The following GRM7 variants were observed in gnomAD, a reference collection of about 807,000 sequenced individuals.
The protein encoded by GRM7 is metabotropic glutamate receptor 7.
In GRM7, 35 loss-of-function variants were observed where a neutral mutation model predicts 84.5. That is an observed-to-expected ratio of 0.41 (90% CI 0.32 to 0.55). GRM7 has a LOEUF of 0.55. GRM7 is among the 20% of genes least tolerant of loss of function. GRM7 has a pLI of 0.19. For synonymous variants in GRM7, 487 were observed against 455.1 expected (o/e 1.07, Z -0.89); for missense variants, 1,003 against 1,194.6 (o/e 0.84, Z 2.36).
chr3:7,400,025 C>T (rs1307518650), intron 4 of GRM7, among the ~76,000 whole-genome samples: 1 of 152,180 alleles, frequency 6.6e-6, no homozygotes, highest in Non-Finnish European at 1.5e-5. Context: ...ATGAAGGTTA[C>T]TTAGAACCTA....
intron 9 of GRM7, among the ~76,000 whole-genome samples, chr3:7,685,789 A>G (rs937886828): frequency 1.4e-5 from 2 of 138,954 alleles, no homozygotes; most frequent in Non-Finnish European, 3.1e-5. Context: ...TATGTTATTT[A>G]AAAAAAAAAA....
intron 8 of GRM7, among the ~76,000 whole-genome samples, chr3:7,583,956 A>G (rs1695392890): frequency 6.6e-6 from 1 of 152,184 alleles, no homozygotes; most frequent in Non-Finnish European, 1.5e-5. Context: ...CTTCAAACAA[A>G]CATTGAATAA....
intron 1 of GRM7, among the ~76,000 whole-genome samples, chr3:7,117,157 C>T (rs997062157): frequency 2.6e-5 from 4 of 152,114 alleles, no homozygotes; most frequent in African/African-American, 9.7e-5. Flanking sequence ...ATGGGAAACC[C>T]CGCAGTGGCA....
intron 2 of GRM7, among the ~76,000 whole-genome samples, chr3:7,289,189 T>C (rs1299344044): frequency 6.6e-6 from 1 of 152,152 alleles, no homozygotes; most frequent in Non-Finnish European, 1.5e-5. Context: ...GGAAAACCAG[T>C]GACTGTAAAA....
intron 1 of GRM7, among the ~76,000 whole-genome samples, chr3:7,135,784 A>G (rs1045717548): frequency 6.6e-6 from 1 of 152,218 alleles, no homozygotes; most frequent in African/African-American, 2.4e-5. Context: ...GCATGGAAAC[A>G]ATTTCAGAAC....
intron 8 of GRM7, among the ~76,000 whole-genome samples, chr3:7,604,750 A>G (rs906540948): frequency 2.6e-5 from 4 of 152,224 alleles, no homozygotes; most frequent in Non-Finnish European, 5.9e-5. Context: ...TTGAAACCAT[A>G]CAAATACATA....
At chr3:7,461,526 G>C in intron 6 of GRM7, 57 bp from the exon 7 acceptor site, 1 of 1,417,738 alleles carries the variant, frequency 7.1e-7, no homozygotes. Context: ...CATAGTACAA[G>C]AGATATAAGG....
intron 4 of GRM7, among the ~76,000 whole-genome samples, chr3:7,369,674 T>G (rs773307535): frequency 6.6e-6 from 1 of 152,162 alleles, no homozygotes; most frequent in Non-Finnish European, 1.5e-5. Context: ...TCATTGTCAA[T>G]TTATTTTGTT....
intron 1 of GRM7, among the ~76,000 whole-genome samples, chr3:6,912,684 G>T (rs988343699): frequency 4.3e-4 from 66 of 152,062 alleles, no homozygotes; most frequent in African/African-American, 1.6e-3. Context: ...ATTGGACATA[G>T]ATCTGATCTC....
intron 7 of GRM7, among the ~76,000 whole-genome samples, chr3:7,538,266 C>T (rs1474586351): frequency 1.3e-5 from 2 of 152,246 alleles, no homozygotes; most frequent in East Asian, 1.9e-4. Flanking sequence ...TGCGCAACCA[C>T]GCCCAGCTAA....
At chr3:7,113,224 G>T (rs1028663296) in intron 1 of GRM7, among the ~76,000 whole-genome samples, 22 of 152,048 alleles carry the variant, frequency 1.4e-4, no homozygotes, top group African/African-American at 4.3e-4. Context: ...ATTCTAAGTG[G>T]TAAGAATGCA....
Position 7,025,990 on chromosome 3 carries a change from T to C in GRM7, c.520-120462T>C, listed in dbSNP as rs560696229. ...GGCTAATAGAATGCAGCTAGGTGAC[T>C]ACCTGTGACTATCATCCCCCAACAC... On this transcript the variant is annotated intron_variant, in intron 1 of 9. Coordinates refer to ENST00000357716, the MANE Select transcript of GRM7 (RefSeq NM_000844.4). Among the ~76,000 whole-genome samples, 69 of 152,336 alleles carry C rather than the reference T, an allele frequency of 4.5e-4. 2 individuals are homozygous for C. The highest frequency in any genetic ancestry group is 4.4e-3 in the Admixed American group (68 of 15,306).
At chr3:7,165,295 C>G (rs1169264233) in intron 2 of GRM7, among the ~76,000 whole-genome samples, 1 of 152,168 alleles carries the variant, frequency 6.6e-6, no homozygotes, top group Middle Eastern at 3.2e-3. Context: ...CAATCACAAG[C>G]TAGATTTGCT....
intron 7 of GRM7, among the ~76,000 whole-genome samples, chr3:7,497,502 C>T (rs528125176): frequency 6.6e-6 from 1 of 152,100 alleles, no homozygotes; most frequent in East Asian, 1.9e-4. Context: ...GTGCGTGGCT[C>T]GATTTATTTA....
At chr3:7,067,042 G>C (rs1574856995) in intron 1 of GRM7, among the ~76,000 whole-genome samples, 2 of 151,972 alleles carry the variant, frequency 1.3e-5, no homozygotes, top group South Asian at 4.1e-4. Flanking sequence ...AAAGCCATCT[G>C]TGACAAACCG....
chr3:6,907,631 A>G (rs542488452), intron 1 of GRM7, among the ~76,000 whole-genome samples: 5 of 152,318 alleles, frequency 3.3e-5, no homozygotes, highest in African/African-American at 1.2e-4. Context: ...TAGTTTGGCC[A>G]TGATAAAGAG....
At chr3:7,034,638 A>AT (rs1458302548) in intron 1 of GRM7, among the ~76,000 whole-genome samples, 11 of 152,266 alleles carry the variant, frequency 7.2e-5, no homozygotes, top group East Asian at 5.8e-4. Flanking sequence ...AAAAATTATG[A>AT]TTTTTTTCTC....
chr3:7,564,852 C>T (rs929095813), intron 7 of GRM7, among the ~76,000 whole-genome samples: 5 of 152,132 alleles, frequency 3.3e-5, no homozygotes, highest in Non-Finnish European at 5.9e-5. Flanking sequence ...GACTTCCTAA[C>T]TCATACTCTT....
intron 5 of GRM7, among the ~76,000 whole-genome samples, chr3:7,421,293 G>A (rs1696382818): frequency 6.6e-6 from 1 of 152,174 alleles, no homozygotes; most frequent in African/African-American, 2.4e-5. Flanking sequence ...AGATAAGCAA[G>A]ATGATTAGGC....
Sources: allele counts gnomAD v4.1 joint callset (sites outside exome capture counted in the v4.1 genomes callset), GRCh38; gene constraint gnomAD v4.1.1; transcripts MANE v1.5; gene names NCBI Gene and HGNC (gene_info 2026-07-23, HGNC 2026-07-21).